PITPNM2: variants seen among roughly 807,000 people sequenced by gnomAD.
PITPNM2 encodes phosphatidylinositol transfer protein membrane associated 2.
PITPNM2 carries 35 observed loss-of-function variants against 132.2 expected under a neutral mutation model. That is an observed-to-expected ratio of 0.26 (90% CI 0.20 to 0.35). The LOEUF is 0.35. Among genes scored for constraint, PITPNM2 ranks in the 10% least tolerant of loss-of-function variants. The pLI is 1.00. For synonymous variants in PITPNM2, 738 were observed against 799.2 expected, an observed-to-expected ratio of 0.92 and a Z score of 1.29; for missense variants, 1,332 against 1,912.0, an observed-to-expected ratio of 0.70 and a Z score of 5.66.
At chr12:123,107,970 G>T (rs1177550019) in intron 2 of PITPNM2, among the ~76,000 whole-genome samples, 1 of 152,180 alleles carries the variant, frequency 6.6e-6, no homozygotes, top group Non-Finnish European at 1.5e-5. Flanking sequence ...AGGCTAATGC[G>T]GACCCAGGCC....
chr12:123,026,487 T>C (rs559688828), intron 3 of PITPNM2, among the ~76,000 whole-genome samples: 36 of 152,362 alleles, frequency 2.4e-4, no homozygotes, highest in African/African-American at 8.2e-4. Flanking sequence ...TTCTTTGTTA[T>C]GGCAGCGCCA....
At chr12:123,132,182 A>T (rs752705729) in intron 1 of PITPNM2, among the ~76,000 whole-genome samples, 3 of 152,376 alleles carry the variant, frequency 2.0e-5, no homozygotes, top group Non-Finnish European at 4.4e-5. Context: ...ACTGAGAGCA[A>T]GCGAGAGCCA....
At chr12:123,115,951 A>G (rs1326433686) in intron 1 of PITPNM2, among the ~76,000 whole-genome samples, 1 of 152,214 alleles carries the variant, frequency 6.6e-6, no homozygotes, top group African/African-American at 2.4e-5. Context: ...GGGAACCTGG[A>G]TATTCCAGAG....
intron 3 of PITPNM2, 37 bp downstream of exon 3, chr12:123,034,476 C>G (rs762316373): frequency 1.3e-6 from 2 of 1,590,908 alleles, no homozygotes; most frequent in Non-Finnish European, 1.7e-6. Flanking sequence ...GCGCGACCCA[C>G]CCTCACCCCA....
At position 123,082,501 on chromosome 12, in the gene PITPNM2, C is replaced by T. The variant is rs539595284; in HGVS notation, c.-96+27884G>A. Among the ~76,000 whole-genome samples, 3 of 152,194 alleles carry T rather than the reference C, an allele frequency of 2.0e-5. No homozygotes were observed. The highest frequency in any genetic ancestry group is 2.1e-4 in the South Asian group (1 of 4,824). On this transcript the variant is annotated intron_variant, in intron 2 of 25. Coordinates refer to ENST00000320201, the MANE Select transcript of PITPNM2 (RefSeq NM_020845.3). This position sits in a 1 kb window ranked among gnomAD's most constrained non-coding sequence, Gnocchi z 5.4. ...TTGCCCAGGCTGGAGTGCAGTGGCA[C>T]GATTTCAGCTCACTGCAACCTCTGC...
At chr12:123,024,794 G>A (rs1043618557) in intron 3 of PITPNM2, among the ~76,000 whole-genome samples, 1 of 152,136 alleles carries the variant, frequency 6.6e-6, no homozygotes, top group African/African-American at 2.4e-5. Flanking sequence ...CTTTTTTGGG[G>A]TAATAGAAAT....
intron 2 of PITPNM2, among the ~76,000 whole-genome samples, chr12:123,103,370 A>T (rs993549632): frequency 6.6e-6 from 1 of 152,242 alleles, no homozygotes; most frequent in Non-Finnish European, 1.5e-5. Flanking sequence ...GCTCAGCATG[A>T]GCCAAGTGAA....
At position 123,099,017 on chromosome 12, in the gene PITPNM2, C is replaced by T. The variant is rs2042482820; in HGVS notation, c.-96+11368G>A. Among the ~76,000 whole-genome samples the T allele has an allele frequency of 6.6e-6, 1 of 152,198 alleles. No individual in the cohort carries two copies. Among genetic ancestry groups the T allele is most frequent in the Non-Finnish European group, 1.5e-5 (1 of 68,034 alleles). On this transcript the variant is annotated intron_variant, in intron 2 of 25. Coordinates refer to ENST00000320201, the MANE Select transcript of PITPNM2 (RefSeq NM_020845.3). The surrounding 1 kb of genome is among the most constrained non-coding windows in gnomAD (Gnocchi z 4.2). ...CCCTCTTGTATGAAATCTTCTCCAT[C>T]AGATGTCAGCTGCTGCCTTCTCTCT...
chr12:123,095,517 C>T lies in PITPNM2; in HGVS notation c.-96+14868G>A, dbSNP rs976310690. ...CCACCAGCCTGCCCCCTCCTCCCCC[C>T]GCCTCCGACCTGTCACCCAGATGAA... is the stretch of plus-strand genomic sequence containing the variant. On this transcript the variant is annotated intron_variant, in intron 2 of 25. Coordinates refer to ENST00000320201, the MANE Select transcript of PITPNM2 (RefSeq NM_020845.3). This position sits in a 1 kb window ranked among gnomAD's most constrained non-coding sequence, Gnocchi z 5.0. Among the ~76,000 whole-genome samples the T allele has an allele frequency of 1.3e-5, 2 of 152,196 alleles. No homozygotes were observed. Among genetic ancestry groups the T allele is most frequent in the East Asian group, 1.9e-4 (1 of 5,194 alleles).
At chr12:123,096,233 C>A (rs1007231275) in intron 2 of PITPNM2, among the ~76,000 whole-genome samples, 1 of 152,246 alleles carries the variant, frequency 6.6e-6, no homozygotes, top group Admixed American at 6.5e-5. Context: ...AGCCAGCAAG[C>A]ACACCCAGGC....
chr12:123,129,867 A>G (rs1479120555), intron 1 of PITPNM2, among the ~76,000 whole-genome samples: 1 of 151,818 alleles, frequency 6.6e-6, no homozygotes, highest in Non-Finnish European at 1.5e-5. Flanking sequence ...ACTCCTGCAT[A>G]CCATCTGAAT....
At chr12:123,070,431 C>T (rs2041589611) in intron 2 of PITPNM2, among the ~76,000 whole-genome samples, 1 of 152,208 alleles carries the variant, frequency 6.6e-6, no homozygotes, top group Non-Finnish European at 1.5e-5. Flanking sequence ...CTGTCATCAG[C>T]ACCCTCAGGG....
At chr12:123,007,516 C>A (rs2038990694) in intron 6 of PITPNM2, 1 of 413,344 alleles carries the variant, frequency 2.4e-6, no homozygotes, top group South Asian at 1.7e-5. Context: ...CGCCAGGCTC[C>A]CAGGCTGGTC....
chr12:123,127,770 T>G (rs906834453), intron 1 of PITPNM2, among the ~76,000 whole-genome samples: 1 of 151,938 alleles, frequency 6.6e-6, no homozygotes, highest in East Asian at 1.9e-4. Flanking sequence ...CCACCACGCC[T>G]GGCTAATTTT....
At chr12:123,029,004 C>A (rs1298962412) in intron 3 of PITPNM2, among the ~76,000 whole-genome samples, 2 of 152,198 alleles carry the variant, frequency 1.3e-5, no homozygotes, top group East Asian at 3.9e-4. Flanking sequence ...CTCCTGCCCA[C>A]CTGCTCTGCC....
In PITPNM2 at chr12:123,077,321, A is replaced by G. The variant is rs2041822076; in HGVS notation, c.-96+33064T>C. Among the ~76,000 whole-genome samples the G allele has an allele frequency of 6.6e-6, 1 of 152,110 alleles. No individual in the cohort carries two copies. Among genetic ancestry groups the G allele is most frequent in the South Asian group, 2.1e-4 (1 of 4,820 alleles). On this transcript the variant is annotated intron_variant, in intron 2 of 25. Coordinates refer to ENST00000320201, the MANE Select transcript of PITPNM2 (RefSeq NM_020845.3). The surrounding 1 kb of genome is among the most constrained non-coding windows in gnomAD (Gnocchi z 4.8). Reference sequence around the variant, plus strand: ...GTTATCAGGGGTGGAGAGGGACAAAACATTTCCTCACTGAACTCTCATTTT... The same window carrying G: ...GTTATCAGGGGTGGAGAGGGACAAAGCATTTCCTCACTGAACTCTCATTTT...
intron 2 of PITPNM2, among the ~76,000 whole-genome samples, chr12:123,035,479 A>G (rs2040233477): frequency 6.6e-6 from 1 of 152,188 alleles, no homozygotes. Context: ...CAGACTGGCC[A>G]ACATGGTGAA....
At chr12:123,134,284 C>T (rs1593033135) in intron 1 of PITPNM2, among the ~76,000 whole-genome samples, 2 of 151,840 alleles carry the variant, frequency 1.3e-5, no homozygotes, top group South Asian at 2.1e-4. Flanking sequence ...AAGATGGTCG[C>T]GATCTTCTGA....
In PITPNM2 at chr12:122,987,269, T is replaced by G; in HGVS notation, c.3413+12A>C. On this transcript the variant is annotated intron_variant, in intron 23 of 25. Coordinates refer to ENST00000320201, the MANE Select transcript of PITPNM2 (RefSeq NM_020845.3). ...TTGCTACAGCCCCTTTGTGCCCCTCTGGGCCACTCACCGCACCACGTCCAC... is the reference window on the plus strand; with the variant it reads ...TTGCTACAGCCCCTTTGTGCCCCTCGGGGCCACTCACCGCACCACGTCCAC... The G allele has an allele frequency of 1.2e-6, 2 of 1,611,162 alleles. No homozygotes were observed. Among genetic ancestry groups the G allele is most frequent in the South Asian group, 1.1e-5 (1 of 90,984 alleles).
Sources: allele counts gnomAD v4.1 joint callset (sites outside exome capture counted in the v4.1 genomes callset), GRCh38; gene constraint gnomAD v4.1.1; non-coding constraint Gnocchi (gnomAD v3.1); transcripts MANE v1.5; gene names NCBI Gene and HGNC (gene_info 2026-07-23, HGNC 2026-07-21).